SLC2A12: variants seen among roughly 807,000 people sequenced by gnomAD.
The protein encoded by SLC2A12 is solute carrier family 2, facilitated glucose transporter member 12.
A neutral mutation model predicts 41.8 loss-of-function variants in SLC2A12; 23 were observed. The ratio of observed to expected loss-of-function variants is 0.55; its 90% CI spans 0.40 to 0.78. SLC2A12 has a LOEUF of 0.78. SLC2A12 is among the 30% of genes least tolerant of loss of function. The pLI is 0.00. For synonymous variants in SLC2A12, 295 were observed against 285.9 expected, an observed-to-expected ratio of 1.03 and a Z score of -0.32; for missense variants, 654 against 745.6, an observed-to-expected ratio of 0.88 and a Z score of 1.43.
At chr6:134,006,693 G>C (rs775011719) in intron 3 of SLC2A12, 119 bp downstream of exon 3, 2 of 1,312,572 alleles carry the variant, frequency 1.5e-6, no homozygotes, top group African/African-American at 3.0e-5. Context: ...GGTCATGGCC[G>C]TTCTCCTTCT....
chr6:134,036,201 TTA>T (rs1160405391), intron 1 of SLC2A12, among the ~76,000 whole-genome samples: 1 of 152,112 alleles, frequency 6.6e-6, no homozygotes, highest in Non-Finnish European at 1.5e-5. Context: ...AGCCAGGTAA[TTA>T]TATAGCTTGA....
intron 1 of SLC2A12, among the ~76,000 whole-genome samples, chr6:134,035,151 C>CAAA (rs71003662): frequency 0.015 from 1,598 of 107,752 alleles, 44 homozygotes; most frequent in African/African-American, 0.018. Context: ...GGCTGCCTGA[C>CAAA]AAAAAAAAAA....
chr6:134,018,719 T>C (rs1178735844), intron 2 of SLC2A12, among the ~76,000 whole-genome samples: 1 of 152,136 alleles, frequency 6.6e-6, no homozygotes, highest in Non-Finnish European at 1.5e-5. Context: ...ATTTTAACAC[T>C]TCTGTCTCCT....
intron 1 of SLC2A12, among the ~76,000 whole-genome samples, chr6:134,034,565 G>A (rs1316452791): frequency 2.0e-5 from 3 of 152,206 alleles, no homozygotes; most frequent in African/African-American, 7.2e-5. Context: ...TTTCTTGTGT[G>A]TTGGTTAGCC....
At chr6:134,000,647 A>G (rs1211568064) in intron 4 of SLC2A12, among the ~76,000 whole-genome samples, 1 of 152,214 alleles carries the variant, frequency 6.6e-6, no homozygotes, top group Non-Finnish European at 1.5e-5. Flanking sequence ...GTTCTGCTTC[A>G]TTCTTAGCCC....
Position 134,040,068 on chromosome 6 carries a change from T to G in SLC2A12, c.104-10347A>C, listed in dbSNP as rs1382274866. ...AGGTTGTTGTTTTTTGTTTTTTTTT[T>G]TTTGTTTTTTGTTTTTTGTTTTTTT... On this transcript the variant is annotated intron_variant, in intron 1 of 4. Coordinates refer to ENST00000275230, the MANE Select transcript of SLC2A12 (RefSeq NM_145176.3). Among the ~76,000 whole-genome samples, 10 of 150,248 alleles carry G rather than the reference T, an allele frequency of 6.7e-5. No individual in the cohort carries two copies. The East Asian group carries it at 1.7e-3, about 26-fold the overall frequency.
intron 1 of SLC2A12, among the ~76,000 whole-genome samples, chr6:134,044,287 G>A (rs1333455682): frequency 6.6e-6 from 1 of 152,192 alleles, no homozygotes; most frequent in Non-Finnish European, 1.5e-5. Flanking sequence ...CTGTGAGGAT[G>A]CCTTTCGTTT....
At chr6:134,021,440 G>C (rs1381739563) in intron 2 of SLC2A12, among the ~76,000 whole-genome samples, 1 of 152,084 alleles carries the variant, frequency 6.6e-6, no homozygotes, top group African/African-American at 2.4e-5. Context: ...CTACATTCTG[G>C]TTAATAAACC....
chr6:134,052,250 T>C (rs150064447), intron 1 of SLC2A12, 128 bp downstream of exon 1: 164 of 371,342 alleles, frequency 4.4e-4, no homozygotes, highest in Middle Eastern at 2.4e-3. Context: ...CGCGCGCGCA[T>C]ACACACACAC....
At chr6:134,050,245 G>A (rs770332024) in intron 1 of SLC2A12, among the ~76,000 whole-genome samples, 3 of 152,118 alleles carry the variant, frequency 2.0e-5, no homozygotes, top group Non-Finnish European at 4.4e-5. Context: ...AGATGTTTAA[G>A]ATAAGTTAAG....
At chr6:133,993,413 C>T (rs1411541145) in intron 4 of SLC2A12, among the ~76,000 whole-genome samples, 1 of 152,204 alleles carries the variant, frequency 6.6e-6, no homozygotes, top group Non-Finnish European at 1.5e-5. Flanking sequence ...TGCATCTCAC[C>T]ATCTGTCCAG....
At position 133,991,157 on chromosome 6, in the gene SLC2A12, A is replaced by G. The variant is rs1462483666; in HGVS notation, c.1852T>C (p.Ter618GlnextTer43). ...GQSRQLSPET[*>Q] ...ACGTTCAGAAGGTGTTGAGGCCATT[A>G]GGTCTCTGGAGAAAGCTGCCTGGAT... Residue 618 changes from the stop codon to glutamine (Q), a stop_lost, in exon 5 of 5, where the codon TAA (stop) becomes CAA (glutamine). Coordinates refer to ENST00000275230, the MANE Select transcript of SLC2A12 (RefSeq NM_145176.3). 6.2e-7 allele frequency: 1 copy of G among 1,612,026 alleles called. No individual in the cohort carries two copies. The highest frequency in any genetic ancestry group is 8.5e-7 in the Non-Finnish European group (1 of 1,179,500).
chr6:134,026,147 C>T (rs1777109728), intron 2 of SLC2A12, among the ~76,000 whole-genome samples: 1 of 152,114 alleles, frequency 6.6e-6, no homozygotes. Context: ...GTATCCCTTC[C>T]TTTTTTTGTG....
intron 4 of SLC2A12, among the ~76,000 whole-genome samples, chr6:134,000,767 T>C (rs1776745570): frequency 6.6e-6 from 1 of 152,256 alleles, no homozygotes; most frequent in South Asian, 2.1e-4. Flanking sequence ...ACTTCTAAGT[T>C]AAATTGTTTA....
At chr6:133,992,116 G>A (rs993793037) in intron 4 of SLC2A12, among the ~76,000 whole-genome samples, 5 of 152,202 alleles carry the variant, frequency 3.3e-5, no homozygotes, top group African/African-American at 4.8e-5. Flanking sequence ...GCAGGGAAAC[G>A]GTTGGTATCT....
intron 1 of SLC2A12, among the ~76,000 whole-genome samples, chr6:134,043,132 G>A (rs1777406071): frequency 1.3e-5 from 2 of 152,128 alleles, no homozygotes; most frequent in South Asian, 4.1e-4. Context: ...AATCTACAAA[G>A]AGCTTATATG....
intron 3 of SLC2A12, 42 bp from the exon 4 acceptor site, chr6:134,002,171 T>C: frequency 6.3e-7 from 1 of 1,583,082 alleles, no homozygotes; most frequent in Non-Finnish European, 8.5e-7. Context: ...GTGTTTTGTG[T>C]AGCTTTGATC....
Position 134,027,081 on chromosome 6 carries a change from T to C in SLC2A12, c.1444+1300A>G, listed in dbSNP as rs570710247. On this transcript the variant is annotated intron_variant, in intron 2 of 4. Coordinates refer to ENST00000275230, the MANE Select transcript of SLC2A12 (RefSeq NM_145176.3). ...TGGTTGCTGACCAGAAGGAGGCAGA[T>C]ACAGAGAGTATAGCTCAGTCCATTC... Among the ~76,000 whole-genome samples, 7 of 152,346 alleles carry C rather than the reference T, an allele frequency of 4.6e-5. No homozygotes were observed. In the South Asian group the frequency reaches 1.4e-3, roughly 32 times the overall value.
rs965039779 is a variant in SLC2A12, at chr6:134,006,673, G to C, written c.1567+139C>G. On this transcript the variant is annotated intron_variant, in intron 3 of 4. Coordinates refer to ENST00000275230, the MANE Select transcript of SLC2A12 (RefSeq NM_145176.3). The stretch of plus-strand genomic sequence containing the variant: ...ATTCAAAACTGTAAATTGGGTCATG[G>C]GTACTTCAGGGTCATGGCCGTTCTC... 9 of 1,044,160 alleles carry C rather than the reference G, an allele frequency of 8.6e-6. No homozygotes were observed. In the African/African-American group the frequency reaches 1.1e-4, roughly 13 times the overall value. 64.7% of individuals were successfully genotyped at this position (1,044,160 alleles called of 1,614,324 possible).
Sources: gnomAD v4.1 joint callset for allele counts (sites outside exome capture counted in the v4.1 genomes callset) on GRCh38, gnomAD v4.1.1 for gene constraint, MANE v1.5 for transcripts, NCBI Gene and HGNC (gene_info 2026-07-23, HGNC 2026-07-21) for gene names.